The following DDX54 variants were observed in gnomAD, a reference collection of about 807,000 sequenced individuals.
DDX54 encodes the protein ATP-dependent RNA helicase DDX54.
DDX54 carries 67 observed loss-of-function variants against 105.5 expected under a neutral mutation model. The ratio of observed to expected loss-of-function variants is 0.64; its 90% confidence interval spans 0.52 to 0.78. The LOEUF is 0.78. Among genes scored for constraint, DDX54 ranks in the 30% least tolerant of loss-of-function variants. The probability of loss-of-function intolerance (pLI) is 0.00; values close to 1 mark genes in which losing one functional copy is unlikely to be tolerated. For synonymous variants in DDX54, 514 were observed against 509.9 expected (o/e 1.01, Z -0.11); for missense variants, 1,206 against 1,230.5 (o/e 0.98, Z 0.30).
intron 10 of DDX54, 69 bp from the exon 11 acceptor site, chr12:113,172,632 A>G (rs1952354824): frequency 5.1e-6 from 8 of 1,562,764 alleles, no homozygotes; most frequent in Middle Eastern, 1.8e-4. Context: ...AAGCCAGACC[A>G]TGGCGGGGGA....
rs992233313 is a variant in DDX54, at chr12:113,163,829, C to A, written c.1938+238G>T. ...CTGATGTGTTTGGTGGCTGGTGATG[C>A]CCCGGACCCCACTGAGGGTGTCATG... On this transcript the variant is annotated intron_variant, in intron 15 of 19. Coordinates refer to ENST00000306014, the MANE Select transcript of DDX54 (RefSeq NM_024072.4). The surrounding 1 kb of genome is among the most constrained non-coding windows in gnomAD (Gnocchi z 5.9). Among the ~76,000 whole-genome samples the A allele has an allele frequency of 2.6e-5, 4 of 152,182 alleles. No individual in the cohort carries two copies. Among genetic ancestry groups the A allele is most frequent in the Non-Finnish European group, 5.9e-5 (4 of 68,022 alleles).
chr12:113,185,326 C>T lies in DDX54; in HGVS notation c.126G>A (p.Glu42=). Residue 42 remains glutamate, a synonymous_variant, in exon 1 of 20, where the codon GAG becomes GAA. Coordinates refer to ENST00000306014, the MANE Select transcript of DDX54 (RefSeq NM_024072.4). The part of the protein sequence containing the change: ...AASQARGSDS[E]DGEFEIQAED... ...CCGCCTGGATCTCAAACTCGCCGTC[C>T]TCCGAGTCGCTGCCGCGGGCCTGGG... 1.3e-6 allele frequency: 2 copies of T among 1,587,264 alleles called. No homozygotes were observed. Among genetic ancestry groups the T allele is most frequent in the Non-Finnish European group, 1.7e-6 (2 of 1,170,394 alleles).
chr12:113,167,990 GA>G, intron 12 of DDX54: 1 of 495,612 alleles, frequency 2.0e-6, no homozygotes, highest in Non-Finnish European at 4.0e-6. Context: ...TTGCCCCCAG[GA>G]AAATGCTTTG....
intron 19 of DDX54, among the ~76,000 whole-genome samples, chr12:113,159,531 T>C (rs1469448977): frequency 6.6e-6 from 1 of 151,740 alleles, no homozygotes; most frequent in Non-Finnish European, 1.5e-5. Flanking sequence ...AACCAAGGAG[T>C]GTATGTCTCC....
chr12:113,172,510 CG>C lies in DDX54; in HGVS notation c.1121del (p.Pro374ArgfsTer21). On this transcript the variant is annotated frameshift_variant, in exon 11 of 20. Coordinates refer to ENST00000306014, the MANE Select transcript of DDX54 (RefSeq NM_024072.4). LOFTEE classifies it high-confidence loss of function. ...TGGCGAGATTGATCTTGCGGGCTGT[CG>C]GGTCTAGGGCACTGTAGATGTGGGC... ...SCAHIYSALDPTARKINLAKF... is the reference protein window; with the variant it reads ...SCAHIYSALDXTARKINLAKF... The C allele has an allele frequency of 6.2e-7, 1 of 1,614,236 alleles. No homozygotes were observed. Among genetic ancestry groups the C allele is most frequent in the East Asian group, 2.2e-5 (1 of 44,886 alleles).
rs937332847 is a variant in DDX54, at chr12:113,185,288, C to T, written c.164G>A (p.Arg55Gln). 6 of 1,571,758 alleles carry T rather than the reference C, an allele frequency of 3.8e-6. No individual in the cohort carries two copies. Among genetic ancestry groups the T allele is most frequent in the Non-Finnish European group, 5.2e-6 (6 of 1,161,408 alleles). ...GCCCCACGCGCCTACCTTCCGGGCC[C>T]GGGCGTCATCTTCCGCCTGGATCTC... ...EFEIQAEDDA[R>Q]ARKLGPGRPL... The change falls in exon 1 of 20, where the codon CGG (arginine) becomes CAG (glutamine). Residue 55 changes from arginine (R) to glutamine (Q), a missense_variant. Arg to Gln is a conservative substitution (Grantham distance 43). Around this residue, in one of 3 missense-constraint regions of DDX54, gnomAD observed 212 missense variants for 155.4 expected, o/e 1.36. Coordinates refer to ENST00000306014, the MANE Select transcript of DDX54 (RefSeq NM_024072.4).
intron 11 of DDX54, among the ~76,000 whole-genome samples, chr12:113,171,915 C>T (rs1297417636): frequency 2.0e-5 from 3 of 152,140 alleles, no homozygotes; most frequent in Non-Finnish European, 1.5e-5. Flanking sequence ...CACTAAACAT[C>T]GCAGCTCAGC....
rs1263625903 is a variant in DDX54, at chr12:113,177,097, G to C, written c.615-4C>G. 3.1e-6 allele frequency: 5 copies of C among 1,613,882 alleles called. No individual in the cohort carries two copies. Among genetic ancestry groups the C allele is most frequent in the East Asian group, 2.2e-5 (1 of 44,898 alleles). Reference sequence around the variant, plus strand: ...GGCTGCAAACTGGTCTTCCATCCTAGAGAGGAGAGAAGGGGTTAGCTTGAT... The same window carrying C: ...GGCTGCAAACTGGTCTTCCATCCTACAGAGGAGAGAAGGGGTTAGCTTGAT... On this transcript the variant is annotated splice_region_variant and splice_polypyrimidine_tract_variant and intron_variant, in intron 5 of 19. Coordinates refer to ENST00000306014, the MANE Select transcript of DDX54 (RefSeq NM_024072.4).
chr12:113,176,436 G>A (rs971250439), intron 7 of DDX54, among the ~76,000 whole-genome samples: 7 of 152,162 alleles, frequency 4.6e-5, no homozygotes, highest in East Asian at 1.9e-4. Context: ...GCGTGGTAGC[G>A]CGTACTTGTA....
intron 11 of DDX54, among the ~76,000 whole-genome samples, chr12:113,171,799 G>C (rs982409958): frequency 6.6e-6 from 1 of 152,104 alleles, no homozygotes; most frequent in African/African-American, 2.4e-5. Flanking sequence ...GAGAGCAATG[G>C]GGGACAGTGA....
rs2136331243 is a variant in DDX54 at position 113,185,410 on chromosome 12, T to C, written c.42A>G (p.Arg14=). The part of the protein sequence containing the change: ...DKGPAAGPRS[R]AAMAQWRKKK... ...TCTTCCTCCACTGGGCCATGGCAGC[T>C]CGCGACCGAGGTCCAGCCGCCGGGC... Residue 14 remains arginine (R), a synonymous_variant, in exon 1 of 20, where the codon CGA becomes CGG. Coordinates refer to ENST00000306014, the MANE Select transcript of DDX54 (RefSeq NM_024072.4). 2 of 1,536,650 alleles carry C rather than the reference T, an allele frequency of 1.3e-6. No individual in the cohort carries two copies. Among genetic ancestry groups the C allele is most frequent in the Non-Finnish European group, 1.7e-6 (2 of 1,144,388 alleles).
At chr12:113,175,599 T>A (rs1189118878) in intron 7 of DDX54, among the ~76,000 whole-genome samples, 1 of 152,098 alleles carries the variant, frequency 6.6e-6, no homozygotes, top group Non-Finnish European at 1.5e-5. Flanking sequence ...CCATCCTGGC[T>A]AACACAGTGA....
At position 113,165,866 on chromosome 12, in the gene DDX54, C is replaced by A. The variant is rs781445303; in HGVS notation, c.1581G>T (p.Ser527=). 1.9e-6 allele frequency: 3 copies of A among 1,613,312 alleles called. No homozygotes were observed. Among genetic ancestry groups the A allele is most frequent in the Non-Finnish European group, 2.5e-6 (3 of 1,179,898 alleles). The change falls in exon 13 of 20, where the codon TCG becomes TCT. Residue 527 remains serine, a synonymous_variant. Transcript: ENST00000306014. ...CCTTGGCCCTCTTGATGGACTCAGG[C>A]GAGGGCGCCGGGCGTGAGCGCACAT... ...QQYVRSRPAP[S]PESIKRAKEM...
rs1202307458 is a variant in DDX54, at chr12:113,157,337, T to G, written c.*1540A>C. On this transcript the variant is annotated 3_prime_UTR_variant, in exon 20 of 20. Transcript: ENST00000306014. ...AGCTGATTGATGTAAATGAAAATAC[T>G]AATTGGATAGTGCAGGTGACAGCAG... The G allele has an allele frequency of 2.0e-6, 1 of 502,852 alleles. No homozygotes were observed. The allele number at this position is 502,852 out of a possible 1,614,324, so 31.1% of individuals were successfully genotyped here.
At chr12:113,171,361 G>C (rs1333281531) in intron 11 of DDX54, among the ~76,000 whole-genome samples, 1 of 152,104 alleles carries the variant, frequency 6.6e-6, no homozygotes, top group Non-Finnish European at 1.5e-5. Flanking sequence ...CAGCACTTTG[G>C]GAGGCTGAGG....
rs1252105669 is a variant in DDX54 at position 113,161,477 on chromosome 12, G to A, written c.2301-95C>T. On this transcript the variant is annotated intron_variant, in intron 18 of 19. Transcript: ENST00000306014. Reference sequence around the variant, plus strand: ...CAGCAGACAGAGTTCCGTTATCCCAGCCGCAGCTGAAGCTGCTCGGCCCCG... The same window carrying A: ...CAGCAGACAGAGTTCCGTTATCCCAACCGCAGCTGAAGCTGCTCGGCCCCG... 5.9e-6 allele frequency: 6 copies of A among 1,009,290 alleles called. No homozygotes were observed. The East Asian group carries it at 1.5e-4, about 25-fold the overall frequency. The allele number at this position is 1,009,290 out of a possible 1,614,324, so 62.5% of individuals were successfully genotyped here.
chr12:113,169,633 A>G, intron 12 of DDX54, 137 bp downstream of exon 12: 1 of 1,187,634 alleles, frequency 8.4e-7, no homozygotes, highest in Non-Finnish European at 1.1e-6. Context: ...AAAATAAACA[A>G]AACAAATAAA....
At chr12:113,165,580 C>G (rs957597761) in intron 14 of DDX54, 64 bp downstream of exon 14, 32 of 1,498,322 alleles carry the variant, frequency 2.1e-5, no homozygotes, top group Non-Finnish European at 2.8e-5. Flanking sequence ...AGGCCACAGG[C>G]CATCTGTCTC....
At chr12:113,179,066 T>A in intron 4 of DDX54, 40 bp from the exon 5 acceptor site, 15 of 1,613,692 alleles carry the variant, frequency 9.3e-6, no homozygotes, top group Non-Finnish European at 1.3e-5. Flanking sequence ...AGGGGTGAGA[T>A]GACAGCACAC....
Sources: gnomAD v4.1 joint callset for allele counts (sites outside exome capture counted in the v4.1 genomes callset) on GRCh38, gnomAD v4.1.1 for gene constraint, gnomAD v4.1.1 regional missense constraint, Gnocchi (gnomAD v3.1) non-coding constraint, MANE v1.5 for transcripts, NCBI Gene and HGNC (gene_info 2026-07-23, HGNC 2026-07-21) for gene names.